CELF2: variants seen among roughly 807,000 people sequenced by gnomAD.
The protein encoded by CELF2 is CUG triplet repeat RNA-binding protein 2.
Under a neutral mutation model 62.6 loss-of-function variants are expected in CELF2, and 8 were observed. The ratio of observed to expected loss-of-function variants is 0.13; its 90% CI spans 0.07 to 0.23. The LOEUF (loss-of-function observed/expected upper bound fraction) is 0.23. CELF2 is among the 10% of genes least tolerant of loss of function. The pLI is 1.00. For synonymous variants in CELF2, 258 were observed against 250.0 expected, an observed-to-expected ratio of 1.03 and a Z score of -0.30; for missense variants, 333 against 671.0, an observed-to-expected ratio of 0.50 and a Z score of 5.56.
intron 1 of CELF2, among the ~76,000 whole-genome samples, chr10:11,141,381 A>G (rs2061335292): frequency 6.6e-6 from 1 of 152,232 alleles, no homozygotes; most frequent in South Asian, 2.1e-4. Flanking sequence ...TCAGGAGCAG[A>G]GACTCGGAGG....
At chr10:10,467,246 G>T in the CELF2 span, among the ~76,000 whole-genome samples, 36 of 152,018 alleles carry the variant, frequency 2.4e-4, no homozygotes, top group Middle Eastern at 3.4e-3. Flanking sequence ...CATGCATTTT[G>T]AGCTAATGTT....
chr10:11,028,013 T>C (rs570578136), intron 1 of CELF2, among the ~76,000 whole-genome samples: 5 of 152,350 alleles, frequency 3.3e-5, no homozygotes, highest in Non-Finnish European at 7.3e-5. Context: ...GAAGAGTGAA[T>C]GTTTTCTTCT....
At chr10:11,029,174 C>T (rs1474265546) in intron 1 of CELF2, among the ~76,000 whole-genome samples, 1 of 152,100 alleles carries the variant, frequency 6.6e-6, no homozygotes, top group East Asian at 1.9e-4. Flanking sequence ...TGATTTTTGC[C>T]TTATGTGGTG....
rs1178160192 is a variant in CELF2, at chr10:11,296,128, T to C, written c.976+7576T>C. 6.6e-6 allele frequency among the ~76,000 whole-genome samples: 1 copy of C among 152,226 alleles called. No homozygotes were observed. Among genetic ancestry groups the C allele is most frequent in the African/African-American group, 2.4e-5 (1 of 41,472 alleles). ...TTGGCGGGTGCCTTCATCCCCGGGA[T>C]GGACAGATCCTCGCGTGCATCTTAG... is the stretch of plus-strand genomic sequence containing the variant. On this transcript the variant is annotated intron_variant, in intron 9 of 12. Transcript: ENST00000633077. The surrounding 1 kb of genome is among the most constrained non-coding windows in gnomAD (Gnocchi z 5.0).
At chr10:10,599,906 T>C in the CELF2 span, among the ~76,000 whole-genome samples, 2 of 151,984 alleles carry the variant, frequency 1.3e-5, no homozygotes, top group African/African-American at 2.4e-5. Context: ...TAATTTGTTA[T>C]GTTTTTAGTA....
At chr10:10,563,438 C>A in the CELF2 span, among the ~76,000 whole-genome samples, 2 of 151,986 alleles carry the variant, frequency 1.3e-5, no homozygotes, top group South Asian at 4.2e-4. Flanking sequence ...TGGCAAAACC[C>A]GTCTCTACTA....
At chr10:10,665,778 C>A in the CELF2 span, among the ~76,000 whole-genome samples, 1 of 152,066 alleles carries the variant, frequency 6.6e-6, no homozygotes, top group Admixed American at 6.6e-5. Context: ...TTAGAAACAC[C>A]AAATTCTGGG....
intron 2 of CELF2, among the ~76,000 whole-genome samples, chr10:11,216,036 G>A (rs1386075556): frequency 6.6e-6 from 1 of 152,192 alleles, no homozygotes; most frequent in Admixed American, 6.5e-5. Flanking sequence ...TCTTCAGGTT[G>A]ATTCTTTAAA....
At chr10:11,282,779 C>T (rs533802027) in intron 8 of CELF2, among the ~76,000 whole-genome samples, 7 of 152,316 alleles carry the variant, frequency 4.6e-5, no homozygotes, top group East Asian at 3.9e-4. Context: ...GCTTTCAGCC[C>T]GGGTCATGTG....
chr10:11,171,734 A>G (rs1292974222), intron 2 of CELF2, among the ~76,000 whole-genome samples: 3 of 152,224 alleles, frequency 2.0e-5, no homozygotes, highest in Admixed American at 2.0e-4. Context: ...TCCATGCAGT[A>G]GAAATAATAC....
At chr10:10,515,352 T>C in the CELF2 span, among the ~76,000 whole-genome samples, 5 of 152,306 alleles carry the variant, frequency 3.3e-5, no homozygotes, top group African/African-American at 7.2e-5. Context: ...AAATCCACCA[T>C]TGGAGTCATA....
the CELF2 span, among the ~76,000 whole-genome samples, chr10:10,654,457 C>T: frequency 8.8e-6 from 1 of 113,542 alleles, no homozygotes; most frequent in Non-Finnish European, 1.9e-5. Context: ...AACACTGATG[C>T]AAAAATCCTC....
Position 11,242,676 on chromosome 10 carries a change from G to T in CELF2, c.355-6477G>T, listed in dbSNP as rs1297419082. On this transcript the variant is annotated intron_variant, in intron 3 of 12. Transcript: ENST00000633077. This position sits in a 1 kb window ranked among gnomAD's most constrained non-coding sequence, Gnocchi z 4.8. ...TTCATTTTCATGAGTCACAGCTGGG[G>T]CCTTGTGGGAAGAATCGAAGGTCAG... Among the ~76,000 whole-genome samples, 1 of 152,218 alleles carries T rather than the reference G, an allele frequency of 6.6e-6. No homozygotes were observed. The highest frequency in any genetic ancestry group is 2.4e-5 in the African/African-American group (1 of 41,458).
the CELF2 span, among the ~76,000 whole-genome samples, chr10:10,679,672 A>T: frequency 6.6e-6 from 1 of 152,208 alleles, no homozygotes; most frequent in South Asian, 2.1e-4. Context: ...GAACTCTCAT[A>T]TATCCATCTA....
chr10:10,586,471 C>CTTAAT, the CELF2 span, among the ~76,000 whole-genome samples: 1 of 152,146 alleles, frequency 6.6e-6, no homozygotes, highest in Non-Finnish European at 1.5e-5. Flanking sequence ...AAATCTGAGA[C>CTTAAT]TTACATCCTA....
At chr10:10,503,312 C>T in the CELF2 span, among the ~76,000 whole-genome samples, 9 of 151,806 alleles carry the variant, frequency 5.9e-5, no homozygotes, top group Admixed American at 1.3e-4. Flanking sequence ...CTATCAGTTG[C>T]GGAAAGCAGA....
intron 1 of CELF2, among the ~76,000 whole-genome samples, chr10:10,887,393 G>T (rs1395317245): frequency 2.6e-5 from 4 of 152,208 alleles, no homozygotes; most frequent in African/African-American, 9.6e-5. Context: ...AATCTCATGT[G>T]ATAAGAGCTG....
At chr10:11,274,185 T>G (rs1394121327) in intron 7 of CELF2, among the ~76,000 whole-genome samples, 1 of 152,226 alleles carries the variant, frequency 6.6e-6, no homozygotes, top group Non-Finnish European at 1.5e-5. Flanking sequence ...TTGCCCACAC[T>G]GCTAACTGCA....
At chr10:11,164,994 A>G in intron 1 of CELF2, 1 of 878,344 alleles carries the variant, frequency 1.1e-6, no homozygotes, top group Non-Finnish European at 1.4e-6. Flanking sequence ...TGACTTTATT[A>G]TTACCACCTC....
Sources: allele counts gnomAD v4.1 joint callset (sites outside exome capture counted in the v4.1 genomes callset), GRCh38; gene constraint gnomAD v4.1.1; non-coding constraint Gnocchi (gnomAD v3.1); transcripts MANE v1.5; gene names NCBI Gene and HGNC (gene_info 2026-07-23, HGNC 2026-07-21).